The following MTMR14 variants were observed in gnomAD, a reference collection of about 807,000 sequenced individuals.
MTMR14 encodes the protein myotubularin related protein 14.
In MTMR14, 48 loss-of-function variants were observed where a neutral mutation model predicts 86.3. The observed-to-expected ratio is 0.56, with a 90% CI of 0.44 to 0.71. MTMR14 has a LOEUF of 0.71. Among genes scored for constraint, MTMR14 ranks in the 30% least tolerant of loss-of-function variants. The pLI, the probability that MTMR14 is intolerant of heterozygous loss-of-function variation, is 0.00. For synonymous variants in MTMR14, 366 were observed against 326.1 expected, an observed-to-expected ratio of 1.12 and a Z score of -1.32; for missense variants, 780 against 834.6, an observed-to-expected ratio of 0.93 and a Z score of 0.81.
At chr3:9,660,885 C>T (rs1426118362) in intron 2 of MTMR14, among the ~76,000 whole-genome samples, 1 of 152,180 alleles carries the variant, frequency 6.6e-6, no homozygotes, top group Non-Finnish European at 1.5e-5. Flanking sequence ...ACTTTCCTGC[C>T]TCCTGTTTCT....
intron 1 of MTMR14, among the ~76,000 whole-genome samples, chr3:9,651,787 T>A (rs2047311680): frequency 6.6e-6 from 1 of 151,096 alleles, no homozygotes; most frequent in African/African-American, 2.4e-5. Flanking sequence ...TGCTTCAGCC[T>A]CCCTAGTAGC....
chr3:9,684,817 T>C (rs2075884591), intron 11 of MTMR14, 71 bp from the exon 12 acceptor site: 1 of 1,575,490 alleles, frequency 6.3e-7, no homozygotes, highest in African/African-American at 1.3e-5. Flanking sequence ...GCGTTGTCAC[T>C]GGGTCTGGTT....
At position 9,653,797 on chromosome 3, in the gene MTMR14, T is replaced by C. The variant is rs766883038; in HGVS notation, c.308+28T>C. 4 of 1,614,022 alleles carry C rather than the reference T, an allele frequency of 2.5e-6. No individual in the cohort carries two copies. In the East Asian group the frequency reaches 6.7e-5, roughly 27 times the overall value. On this transcript the variant is annotated intron_variant, in intron 2 of 18. Transcript: ENST00000296003. ...GAGCATCATGTGACCGTAGTGTACA[T>C]GTCTGGGGAGTCCGTGGCAGCTAAT... is the stretch of plus-strand genomic sequence containing the variant.
chr3:9,688,784 TCCTC>T, intron 15 of MTMR14, 30 bp downstream of exon 15: 5 of 1,613,738 alleles, frequency 3.1e-6, no homozygotes, highest in Non-Finnish European at 4.2e-6. Flanking sequence ...AGACTTCCCT[TCCTC>T]CATACATCTT....
chr3:9,663,134 C>A (rs955879282), intron 3 of MTMR14, among the ~76,000 whole-genome samples: 16 of 152,088 alleles, frequency 1.1e-4, no homozygotes, highest in Non-Finnish European at 1.6e-4. Flanking sequence ...ATGCAAGTAG[C>A]AACGGTGCGA....
intron 2 of MTMR14, among the ~76,000 whole-genome samples, chr3:9,656,618 C>T (rs972107904): frequency 2.0e-5 from 3 of 151,976 alleles, no homozygotes; most frequent in African/African-American, 4.8e-5. Context: ...ATGGGTTTTG[C>T]CATGATGGCC....
Position 9,662,374 on chromosome 3 carries a change from A to G in MTMR14, c.416A>G (p.Lys139Arg). The G allele has an allele frequency of 6.2e-7, 1 of 1,612,080 alleles. No individual in the cohort carries two copies. The highest frequency in any genetic ancestry group is 1.3e-5 in the African/African-American group (1 of 74,890). ...TGCCCAGTAATCCTGTTCAAGGGCA[A>G]GGTAAGGCCCATACCATAGCTTCAT... ...FVCPVILFKGKHICRSATLAG... is the reference protein window; with the variant it reads ...FVCPVILFKGRHICRSATLAG... The change falls in exon 3 of 19, where the codon AAG (lysine) becomes AGG (arginine). Residue 139 changes from lysine to arginine, a missense_variant and splice_region_variant. By Grantham distance (26) the Lys-to-Arg change is conservative (BLOSUM62 2). Coordinates refer to ENST00000296003, the MANE Select transcript of MTMR14 (RefSeq NM_001077525.3).
chr3:9,688,874 G>A (rs1467127140), intron 15 of MTMR14, 70 bp from the exon 16 acceptor site: 56 of 1,611,004 alleles, frequency 3.5e-5, no homozygotes, highest in Non-Finnish European at 4.5e-5. Flanking sequence ...CAGTTATGTG[G>A]TATAGAAAAG....
At position 9,677,576 on chromosome 3, in the gene MTMR14, A is replaced by T. The variant is rs2075624273; in HGVS notation, c.822+189A>T. On this transcript the variant is annotated intron_variant, in intron 8 of 18. Transcript: ENST00000296003. This position sits in a 1 kb window ranked among gnomAD's most constrained non-coding sequence, Gnocchi z 4.2. ...ATATACTTGTTAAATTTTCATCATTATACTTTCCTCCCCCCTTTATTTCTC... is the reference window on the plus strand; with the variant it reads ...ATATACTTGTTAAATTTTCATCATTTTACTTTCCTCCCCCCTTTATTTCTC... 6.6e-6 allele frequency among the ~76,000 whole-genome samples: 1 copy of T among 151,580 alleles called. No homozygotes were observed. Among genetic ancestry groups the T allele is most frequent in the Non-Finnish European group, 1.5e-5 (1 of 67,980 alleles).
Position 9,685,225 on chromosome 3 carries a change from A to G in MTMR14, c.1142A>G (p.Asp381Gly). ...DWFLFGHMLV[D>G]RLSKGEEIFF... ...CCTTTTTTCAGGCACATGTTGGTAG[A>G]TCGGCTCAGCAAAGGGGAGGAGGTG... is the stretch of plus-strand genomic sequence containing the variant. The change falls in exon 13 of 19, where the codon GAT (aspartate) becomes GGT (glycine). Residue 381 changes from aspartate to glycine, a missense_variant. Coordinates refer to ENST00000296003, the MANE Select transcript of MTMR14 (RefSeq NM_001077525.3). The G allele has an allele frequency of 1.2e-6, 2 of 1,614,068 alleles. No homozygotes were observed. Among genetic ancestry groups the G allele is most frequent in the Non-Finnish European group, 1.7e-6 (2 of 1,180,014 alleles).
chr3:9,656,341 A>G lies in MTMR14; in HGVS notation c.308+2572A>G, dbSNP rs1314746015. On this transcript the variant is annotated intron_variant, in intron 2 of 18. Coordinates refer to ENST00000296003, the MANE Select transcript of MTMR14 (RefSeq NM_001077525.3). ...CTAAGAACTTGGGATCGCCAAGCCT[A>G]AAGAATTGGGGTTTGTTATGGCCCT... Among the ~76,000 whole-genome samples, 11 of 152,286 alleles carry G rather than the reference A, an allele frequency of 7.2e-5. No individual in the cohort carries two copies. In the East Asian group the frequency reaches 2.1e-3, roughly 29 times the overall value.
chr3:9,655,329 T>C (rs2124962242), intron 2 of MTMR14, among the ~76,000 whole-genome samples: 1 of 151,470 alleles, frequency 6.6e-6, no homozygotes, highest in East Asian at 2.0e-4. Flanking sequence ...ATTGCACCAC[T>C]GCACTCCAGC....
In MTMR14 at chr3:9,659,822, A is replaced by G. The variant is rs1019360691; in HGVS notation, c.309-2445A>G. Reference sequence around the variant, plus strand: ...CTAACAAGAAAAGGTGGGTCATTACATTAAAAGATCCTCCCTAGAGGAAAA... The same window carrying G: ...CTAACAAGAAAAGGTGGGTCATTACGTTAAAAGATCCTCCCTAGAGGAAAA... On this transcript the variant is annotated intron_variant, in intron 2 of 18. Transcript: ENST00000296003. The G allele has an allele frequency of 6.6e-5, 30 of 456,670 alleles. No homozygotes were observed. The East Asian group carries it at 1.2e-3, about 18-fold the overall frequency. 28.3% of individuals were successfully genotyped at this position (456,670 alleles called of 1,614,324 possible).
chr3:9,653,858 G>GA, intron 2 of MTMR14, 89 bp downstream of exon 2: 1 of 1,548,760 alleles, frequency 6.5e-7, no homozygotes, highest in Non-Finnish European at 8.9e-7. Flanking sequence ...GGGCAGGGCA[G>GA]AATCACTTTC....
At chr3:9,672,633 G>A (rs1282743912) in intron 6 of MTMR14, 52 bp from the exon 7 acceptor site, 5 of 1,433,276 alleles carry the variant, frequency 3.5e-6, no homozygotes, top group Non-Finnish European at 4.9e-6. Flanking sequence ...GGAATGGTGT[G>A]TGTTTGTGTG....
In MTMR14 at chr3:9,677,180, C is replaced by G; in HGVS notation, c.752-137C>G. ...CCCACCCGTGTCAGCCTTGGCCTCACTGAAGCCACTAGCTTGGAGAAGTGT... is the reference window on the plus strand; with the variant it reads ...CCCACCCGTGTCAGCCTTGGCCTCAGTGAAGCCACTAGCTTGGAGAAGTGT... On this transcript the variant is annotated intron_variant, in intron 7 of 18. Coordinates refer to ENST00000296003, the MANE Select transcript of MTMR14 (RefSeq NM_001077525.3). The surrounding 1 kb of genome is among the most constrained non-coding windows in gnomAD (Gnocchi z 4.2). 1.3e-6 allele frequency: 1 copy of G among 749,408 alleles called. No individual in the cohort carries two copies. The highest frequency in any genetic ancestry group is 2.5e-5 in the East Asian group (1 of 39,764). 46.4% of individuals were successfully genotyped at this position (749,408 alleles called of 1,614,324 possible). A position where few individuals can be genotyped will look rare whatever the true frequency, so the allele number is the denominator to read the frequency against.
intron 1 of MTMR14, among the ~76,000 whole-genome samples, chr3:9,652,788 A>G (rs1473077020): frequency 2.6e-5 from 4 of 152,188 alleles, no homozygotes; most frequent in East Asian, 3.9e-4. Context: ...TCAGGAGTTC[A>G]AGACCAGCCT....
chr3:9,680,879 C>T (rs79546983), intron 9 of MTMR14, among the ~76,000 whole-genome samples: 1,760 of 152,304 alleles, frequency 0.012, 33 homozygotes, highest in African/African-American at 0.041. Flanking sequence ...GCAGCCCTCT[C>T]CAGGTTCGCA....
rs748759433 is a variant in MTMR14, at chr3:9,671,175, G to A, written c.677+5G>A. ...GAAGGTGAAGTTTGGCATGAAGTAA[G>A]TACAGGCGCCCACTACAAAATGAGC... On this transcript the variant is annotated splice_donor_5th_base_variant and intron_variant, in intron 6 of 18. Transcript: ENST00000296003. 6.2e-7 allele frequency: 1 copy of A among 1,614,218 alleles called. No homozygotes were observed. The highest frequency in any genetic ancestry group is 8.5e-7 in the Non-Finnish European group (1 of 1,180,020).
Sources: gnomAD v4.1 joint callset for allele counts (sites outside exome capture counted in the v4.1 genomes callset) on GRCh38, gnomAD v4.1.1 for gene constraint, Gnocchi (gnomAD v3.1) non-coding constraint, MANE v1.5 for transcripts, NCBI Gene and HGNC (gene_info 2026-07-23, HGNC 2026-07-21) for gene names.